The following DGKB variants were observed in gnomAD, a reference collection of about 807,000 sequenced individuals.
DGKB encodes the protein 90 kDa diacylglycerol kinase.
In DGKB, 67 loss-of-function variants were observed where a neutral mutation model predicts 114.3. That is an observed-to-expected ratio of 0.59 (90% CI 0.48 to 0.72). The LOEUF is 0.72. DGKB is among the 30% of genes least tolerant of loss of function. DGKB has a pLI of 0.00. For missense variants in DGKB, 907 were observed against 975.2 expected (o/e 0.93, Z 0.93); for synonymous variants, 398 against 323.1 (o/e 1.23, Z -2.49).
intron 21 of DGKB, among the ~76,000 whole-genome samples, chr7:14,392,995 G>GTTTTGTTTTTTTTTTTTT (rs1554404749): frequency 1.0e-3 from 63 of 60,546 alleles, no homozygotes; most frequent in African/African-American, 3.0e-3. Context: ...TTTTGTTTTT[G>GTTTTGTTTTTTTTTTTTT]TTTTTTTTTT....
chr7:14,232,565 A>G (rs974703329), intron 23 of DGKB, among the ~76,000 whole-genome samples: 1 of 151,856 alleles, frequency 6.6e-6, no homozygotes, highest in South Asian at 2.1e-4. Flanking sequence ...CATAAGAGTG[A>G]ACCAAATGCA....
intron 17 of DGKB, among the ~76,000 whole-genome samples, chr7:14,590,250 TC>T (rs1234355374): frequency 6.6e-6 from 1 of 152,138 alleles, no homozygotes; most frequent in African/African-American, 2.4e-5. Flanking sequence ...TTTTAAATTC[TC>T]CTTAAGTCAG....
At position 14,392,995 on chromosome 7, in the gene DGKB, G is replaced by GTTTTGTTGTTTTTTTTTTTTTTT. The variant is rs1554404749; in HGVS notation, c.1836-47605_1836-47604insAAAAAAAAAAAAAAACAACAAAA. ...CAAAACAGACCTGTTTTTTGTTTTTGTTTTTTTTTTTTTGAGACGGAGTCT... is the reference window on the plus strand; with the variant it reads ...CAAAACAGACCTGTTTTTTGTTTTTGTTTTGTTGTTTTTTTTTTTTTTTTTTTTTTTTTTTTGAGACGGAGTCT... On this transcript the variant is annotated intron_variant, in intron 21 of 25. Coordinates refer to ENST00000402815, the MANE Select transcript of DGKB (RefSeq NM_001350709.2). Among the ~76,000 whole-genome samples, 154 of 60,544 alleles carry GTTTTGTTGTTTTTTTTTTTTTTT rather than the reference G, an allele frequency of 2.5e-3. 4 individuals are homozygous for GTTTTGTTGTTTTTTTTTTTTTTT. The highest frequency in any genetic ancestry group is 7.2e-3 in the African/African-American group (149 of 20,680). The allele number at this position is 60,544 out of a possible 152,430, so 39.7% of individuals were successfully genotyped here.
chr7:14,342,404 C>T (rs921117853), intron 22 of DGKB, among the ~76,000 whole-genome samples: 27 of 151,776 alleles, frequency 1.8e-4, no homozygotes, highest in African/African-American at 5.3e-4. Flanking sequence ...GTTTCTTAGG[C>T]ACACATTTCA....
intron 6 of DGKB, among the ~76,000 whole-genome samples, chr7:14,713,170 T>A (rs1827642601): frequency 6.6e-6 from 1 of 152,140 alleles, no homozygotes; most frequent in South Asian, 2.1e-4. Context: ...GATAATTTTT[T>A]ATATCCAAAT....
At chr7:14,275,468 T>A (rs1052285861) in intron 23 of DGKB, among the ~76,000 whole-genome samples, 5 of 152,224 alleles carry the variant, frequency 3.3e-5, no homozygotes, top group African/African-American at 1.2e-4. Flanking sequence ...TTCCACATTT[T>A]TTTTCCTTCT....
chr7:14,176,451 T>C, intron 25 of DGKB: 2 of 989,832 alleles, frequency 2.0e-6, no homozygotes, highest in African/African-American at 3.5e-5. Context: ...AGAAATAAGT[T>C]CACATATAAG....
intron 1 of DGKB, among the ~76,000 whole-genome samples, chr7:14,919,095 A>ACACAAACACACACAC (rs1554345122): frequency 1.5e-4 from 17 of 114,968 alleles, no homozygotes; most frequent in East Asian, 3.1e-4. Flanking sequence ...CACACACACA[A>ACACAAACACACACAC]ACACACACAC....
intron 22 of DGKB, among the ~76,000 whole-genome samples, chr7:14,340,425 T>G (rs1811424743): frequency 6.6e-6 from 1 of 151,596 alleles, no homozygotes; most frequent in Non-Finnish European, 1.5e-5. Context: ...AATTAGATAG[T>G]ACATATTTTT....
chr7:14,963,231 A>T (rs1786962900), intron 1 of DGKB, among the ~76,000 whole-genome samples: 1 of 152,104 alleles, frequency 6.6e-6, no homozygotes, highest in South Asian at 2.1e-4. Context: ...TAAAAGGAGA[A>T]CCTTATATAA....
chr7:14,661,399 T>C (rs986431929), intron 13 of DGKB, among the ~76,000 whole-genome samples: 5 of 142,198 alleles, frequency 3.5e-5, no homozygotes, highest in Non-Finnish European at 7.7e-5. Flanking sequence ...GCGAAGGACA[T>C]GAACAGACAC....
chr7:14,608,903 C>A (rs1314246231), intron 16 of DGKB, among the ~76,000 whole-genome samples: 1 of 151,906 alleles, frequency 6.6e-6, no homozygotes, highest in African/African-American at 2.4e-5. Flanking sequence ...CAAAGCACTG[C>A]TGAAAGAAAT....
intron 1 of DGKB, among the ~76,000 whole-genome samples, chr7:14,944,235 G>A (rs536486580): frequency 1.3e-5 from 2 of 151,796 alleles, no homozygotes; most frequent in Non-Finnish European, 2.9e-5. Context: ...GCTCACTTTT[G>A]ATCATAAAAT....
At chr7:14,176,626 C>A in intron 25 of DGKB, 1 of 1,290,160 alleles carries the variant, frequency 7.8e-7, no homozygotes, top group Admixed American at 3.6e-5. Flanking sequence ...CTTAGGCTAA[C>A]ACAAACATTC....
At chr7:14,630,042 G>A (rs1017359654) in intron 14 of DGKB, among the ~76,000 whole-genome samples, 194 bp downstream of exon 14, 8 of 151,816 alleles carry the variant, frequency 5.3e-5, no homozygotes, top group African/African-American at 1.9e-4. Context: ...AATATAGATG[G>A]AAAATTCTTC....
intron 23 of DGKB, among the ~76,000 whole-genome samples, chr7:14,241,650 G>A (rs1288188375): frequency 6.6e-6 from 1 of 151,882 alleles, no homozygotes; most frequent in African/African-American, 2.4e-5. Flanking sequence ...GGAAAGCAAA[G>A]TAAAATGAAC....
At position 14,315,529 on chromosome 7, in the gene DGKB, AC is replaced by A. The variant is rs1234540962; in HGVS notation, c.2122+22985del. On this transcript the variant is annotated intron_variant, in intron 23 of 25. Coordinates refer to ENST00000402815, the MANE Select transcript of DGKB (RefSeq NM_001350709.2). The stretch of plus-strand genomic sequence containing the variant: ...TTGAAACCAACAAAGATCAAAAGAC[AC>A]AAAGAAGGCCATTACATAATGGTAA... Among the ~76,000 whole-genome samples, 10 of 151,702 alleles carry A rather than the reference AC, an allele frequency of 6.6e-5. No homozygotes were observed. The East Asian group carries it at 1.9e-3, about 29-fold the overall frequency.
intron 21 of DGKB, among the ~76,000 whole-genome samples, chr7:14,429,440 T>C (rs1187677243): frequency 2.0e-5 from 3 of 152,158 alleles, no homozygotes; most frequent in African/African-American, 7.2e-5. Context: ...CCTCCAGAAC[T>C]GTGAGTAATA....
At chr7:14,493,222 G>A (rs185772970) in intron 20 of DGKB, among the ~76,000 whole-genome samples, 64 of 152,072 alleles carry the variant, frequency 4.2e-4, no homozygotes, top group South Asian at 1.2e-3. Context: ...AACAATGGAT[G>A]CTAATACCAT....
Sources: gnomAD v4.1 joint callset for allele counts (sites outside exome capture counted in the v4.1 genomes callset) on GRCh38, gnomAD v4.1.1 for gene constraint, MANE v1.5 for transcripts, NCBI Gene and HGNC (gene_info 2026-07-23, HGNC 2026-07-21) for gene names.